The following BRD4 variants were observed in gnomAD, a reference collection of about 807,000 sequenced individuals.
The protein encoded by BRD4 is bromodomain containing 4, also known as bromodomain-containing protein 4.
A neutral mutation model predicts 142.1 loss-of-function variants in BRD4; 16 were observed. That is an observed-to-expected ratio of 0.11 (90% CI 0.08 to 0.17). The LOEUF (loss-of-function observed/expected upper bound fraction) is 0.17. Among genes scored for constraint, BRD4 ranks in the 10% least tolerant of loss-of-function variants. The probability of loss-of-function intolerance (pLI) is 1.00; values close to 1 mark genes in which losing one functional copy is unlikely to be tolerated. For synonymous variants in BRD4, 833 were observed against 707.5 expected (o/e 1.18, Z -2.82); for missense variants, 1,424 against 1,810.9 (o/e 0.79, Z 3.88).
intron 1 of BRD4, among the ~76,000 whole-genome samples, chr19:15,310,255 C>T (rs1211477479): frequency 7.9e-6 from 1 of 126,320 alleles, no homozygotes; most frequent in Non-Finnish European, 1.6e-5. Flanking sequence ...ACTTTGTTGA[C>T]CAAGCTGAAG....
intron 7 of BRD4, among the ~76,000 whole-genome samples, chr19:15,261,965 T>C (rs1283230497): frequency 6.6e-6 from 1 of 152,114 alleles, no homozygotes; most frequent in Non-Finnish European, 1.5e-5. Flanking sequence ...AAGAGCCACA[T>C]CCACACTAGT....
intron 1 of BRD4, among the ~76,000 whole-genome samples, chr19:15,304,957 T>C (rs546935076): frequency 6.6e-5 from 10 of 151,834 alleles, no homozygotes; most frequent in South Asian, 2.1e-4. Context: ...CACTTCAGGA[T>C]AGTGTTCTTC....
At chr19:15,310,650 C>T (rs1313390206) in intron 1 of BRD4, among the ~76,000 whole-genome samples, 1 of 151,330 alleles carries the variant, frequency 6.6e-6, no homozygotes, top group Non-Finnish European at 1.5e-5. Context: ...TGAGCCACCG[C>T]GCCTGGCCAA....
chr19:15,322,867 CAAAAA>C (rs71333367), intron 1 of BRD4, among the ~76,000 whole-genome samples: 2 of 65,500 alleles, frequency 3.1e-5, no homozygotes, highest in East Asian at 4.4e-4. Flanking sequence ...ACTCTGTCTC[CAAAAA>C]AAAAAAAAAA....
chr19:15,308,115 CA>C (rs57642262), intron 1 of BRD4, among the ~76,000 whole-genome samples: 121 of 21,184 alleles, frequency 5.7e-3, no homozygotes, highest in South Asian at 0.021. Flanking sequence ...GACTCCGTCT[CA>C]AAAAAAAAAA....
intron 7 of BRD4, among the ~76,000 whole-genome samples, chr19:15,262,218 G>A (rs1486310435): frequency 6.6e-6 from 1 of 152,158 alleles, no homozygotes; most frequent in Non-Finnish European, 1.5e-5. Context: ...GGTCACCAAA[G>A]GCTTTCCAAG....
chr19:15,307,780 C>G (rs958608545), intron 1 of BRD4, among the ~76,000 whole-genome samples: 2 of 152,062 alleles, frequency 1.3e-5, no homozygotes, highest in African/African-American at 4.8e-5. Flanking sequence ...GTGGTGACCT[C>G]CAAGGAGTGG....
chr19:15,252,241 G>T (rs11880801), intron 11 of BRD4, among the ~76,000 whole-genome samples: 29,387 of 152,164 alleles, frequency 0.19, 2,979 homozygotes, highest in African/African-American at 0.24. Flanking sequence ...GGATGTGATG[G>T]CCACAGCCCT....
At chr19:15,277,236 A>T (rs2047657243) in intron 1 of BRD4, among the ~76,000 whole-genome samples, 1 of 152,200 alleles carries the variant, frequency 6.6e-6, no homozygotes, top group Non-Finnish European at 1.5e-5. Context: ...ATCGAACTTG[A>T]TGTCCTACTT....
intron 1 of BRD4, among the ~76,000 whole-genome samples, chr19:15,324,422 C>CAGT (rs2145003756): frequency 6.6e-6 from 1 of 152,352 alleles, no homozygotes; most frequent in East Asian, 1.9e-4. Context: ...AGTAACTGGA[C>CAGT]TTAACTGGTT....
intron 1 of BRD4, among the ~76,000 whole-genome samples, chr19:15,317,642 G>C (rs1305434182): frequency 1.3e-5 from 2 of 151,960 alleles, no homozygotes; most frequent in Non-Finnish European, 2.9e-5. Context: ...GGTGGTGGTG[G>C]TCAGGAAGGT....
chr19:15,293,240 G>A (rs185142664), intron 1 of BRD4, among the ~76,000 whole-genome samples: 2 of 152,294 alleles, frequency 1.3e-5, no homozygotes, highest in African/African-American at 2.4e-5. Context: ...GCTTGTTAAA[G>A]ACACTAGAGT....
chr19:15,308,300 G>A (rs1482673630), intron 1 of BRD4, among the ~76,000 whole-genome samples: 1 of 149,464 alleles, frequency 6.7e-6, no homozygotes, highest in Admixed American at 6.7e-5. Context: ...TCTTAAAACG[G>A]TAGGTTGGCT....
At chr19:15,259,125 G>C (rs1175103597) in intron 7 of BRD4, among the ~76,000 whole-genome samples, 1 of 152,160 alleles carries the variant, frequency 6.6e-6, no homozygotes, top group South Asian at 2.1e-4. Context: ...GATGTGGGTG[G>C]GCTCAGGTCC....
intron 1 of BRD4, among the ~76,000 whole-genome samples, chr19:15,316,113 G>A (rs1183054873): frequency 2.4e-5 from 3 of 124,036 alleles, no homozygotes; most frequent in African/African-American, 3.2e-5. Context: ...CCGAGATCGC[G>A]CCACTGCACT....
chr19:15,307,145 C>G (rs1355279179), intron 1 of BRD4, among the ~76,000 whole-genome samples: 2 of 151,978 alleles, frequency 1.3e-5, no homozygotes, highest in South Asian at 2.1e-4. Context: ...CTGGTCAGGC[C>G]AAGTCTCCTC....
At position 15,238,527 on chromosome 19, in the gene BRD4, T is replaced by C; in HGVS notation, c.4021-82A>G. 6.2e-7 allele frequency: 1 copy of C among 1,605,214 alleles called. No individual in the cohort carries two copies. The highest frequency in any genetic ancestry group is 8.5e-7 in the Non-Finnish European group (1 of 1,176,256). ...AAGCCCTCATACCCGCTACCAGCAG[T>C]CAGCCCCGTAGCCCTCCCCGTGGCT... On this transcript the variant is annotated intron_variant, in intron 19 of 19. Coordinates refer to ENST00000679869, the MANE Select transcript of BRD4 (RefSeq NM_001379291.1). This position sits in a 1 kb window ranked among gnomAD's most constrained non-coding sequence, Gnocchi z 7.2.
At chr19:15,257,280 G>C in intron 7 of BRD4, 107 bp from the exon 8 acceptor site, 1 of 1,073,112 alleles carries the variant, frequency 9.3e-7, no homozygotes, top group Non-Finnish European at 1.3e-6. Flanking sequence ...AAGCAACCGA[G>C]GGCGAAAGAG....
chr19:15,292,505 G>A (rs2047789536), intron 1 of BRD4, among the ~76,000 whole-genome samples: 2 of 152,274 alleles, frequency 1.3e-5, no homozygotes, highest in East Asian at 1.9e-4. Context: ...TGGGCCGGGC[G>A]CAGTGGCTCA....
Sources: gnomAD v4.1 joint callset for allele counts (sites outside exome capture counted in the v4.1 genomes callset) on GRCh38, gnomAD v4.1.1 for gene constraint, Gnocchi (gnomAD v3.1) non-coding constraint, MANE v1.5 for transcripts, NCBI Gene and HGNC (gene_info 2026-07-23, HGNC 2026-07-21) for gene names.